SHTN1: variants seen among roughly 807,000 people sequenced by gnomAD.
SHTN1 encodes the protein shootin 1, also known as shootin-1.
SHTN1 carries 42 observed loss-of-function variants against 83.1 expected under a neutral mutation model. That is an observed-to-expected ratio of 0.51 (90% CI 0.39 to 0.65). The LOEUF (loss-of-function observed/expected upper bound fraction) is 0.65. SHTN1 is among the 30% of genes least tolerant of loss of function. SHTN1 has a pLI of 0.00. For synonymous variants in SHTN1, 224 were observed against 247.7 expected (o/e 0.90, Z 0.90); for missense variants, 622 against 737.8 (o/e 0.84, Z 1.82).
chr10:117,020,331 A>C (rs1009600434), intron 2 of SHTN1, among the ~76,000 whole-genome samples: 4 of 151,390 alleles, frequency 2.6e-5, no homozygotes, highest in Non-Finnish European at 5.9e-5. Flanking sequence ...CTCTAATAAA[A>C]ATTAAAAAAA....
At chr10:116,896,045 C>T (rs1267102856) in intron 16 of SHTN1, among the ~76,000 whole-genome samples, 1 of 152,152 alleles carries the variant, frequency 6.6e-6, no homozygotes, top group East Asian at 1.9e-4. Context: ...ATCCTGCCTA[C>T]TATGATTTCA....
chr10:117,078,319 C>T (rs1853193145), intron 1 of SHTN1, among the ~76,000 whole-genome samples: 1 of 152,196 alleles, frequency 6.6e-6, no homozygotes, highest in African/African-American at 2.4e-5. Flanking sequence ...CAGCAGTTGA[C>T]TCACCTTTCT....
intron 1 of SHTN1, among the ~76,000 whole-genome samples, chr10:116,982,809 A>C (rs1009774431): frequency 2.0e-5 from 3 of 152,104 alleles, no homozygotes; most frequent in African/African-American, 7.2e-5. Context: ...AAATACAAAA[A>C]AAATTAGCCA....
At chr10:116,943,681 T>G (rs1382179464) in intron 8 of SHTN1, among the ~76,000 whole-genome samples, 1 of 152,216 alleles carries the variant, frequency 6.6e-6, no homozygotes, top group Non-Finnish European at 1.5e-5. Flanking sequence ...AGCACAGCTA[T>G]GCTCAAGCAC....
chr10:117,100,867 G>A (rs1473574127), intron 1 of SHTN1, among the ~76,000 whole-genome samples: 1 of 152,212 alleles, frequency 6.6e-6, no homozygotes, highest in Non-Finnish European at 1.5e-5. Context: ...GTGGGACTAA[G>A]TTTGGGAAAT....
intron 2 of SHTN1, among the ~76,000 whole-genome samples, chr10:117,012,034 G>C (rs1239064828): frequency 1.3e-5 from 2 of 151,594 alleles, no homozygotes; most frequent in African/African-American, 4.9e-5. Context: ...AGCTACTCCG[G>C]AGGCTGAGGC....
chr10:117,093,927 G>T (rs550887279), intron 1 of SHTN1, among the ~76,000 whole-genome samples: 1 of 152,180 alleles, frequency 6.6e-6, no homozygotes, highest in Non-Finnish European at 1.5e-5. Context: ...AGGTTCAGAG[G>T]AAAACATGGA....
chr10:117,029,724 A>G (rs930061291), intron 2 of SHTN1, among the ~76,000 whole-genome samples: 1 of 151,960 alleles, frequency 6.6e-6, no homozygotes, highest in African/African-American at 2.4e-5. Flanking sequence ...TGGCTCCCCC[A>G]TCGCTTTCTG....
rs1851059750 is a variant in SHTN1, at chr10:116,982,440, T to C, written c.59-3132A>G. ...AGACATGCACACACATACACACACATATGTATCACAGTGGACCCCTAACCC... is the reference window on the plus strand; with the variant it reads ...AGACATGCACACACATACACACACACATGTATCACAGTGGACCCCTAACCC... On this transcript the variant is annotated intron_variant, in intron 1 of 16. Transcript: ENST00000355371. Among the ~76,000 whole-genome samples, 3 of 152,138 alleles carry C rather than the reference T, an allele frequency of 2.0e-5. No homozygotes were observed. The South Asian group carries it at 6.2e-4, about 32-fold the overall frequency.
At chr10:116,890,170 T>C (rs1847293056) in intron 16 of SHTN1, among the ~76,000 whole-genome samples, 1 of 146 alleles carries the variant, frequency 6.8e-3, no homozygotes, top group South Asian at 0.1. Context: ...GTTCAATTTT[T>C]TTTTCTACTT....
chr10:116,993,017 C>CTTTTTTTTT (rs35364697), intron 1 of SHTN1, among the ~76,000 whole-genome samples: 42 of 121,184 alleles, frequency 3.5e-4, no homozygotes, highest in East Asian at 4.7e-4. Context: ...TCTTTTTTTT[C>CTTTTTTTTT]TTTTTTTTTT....
intron 2 of SHTN1, among the ~76,000 whole-genome samples, chr10:117,040,928 A>ATATTT (rs552488544): frequency 6.6e-6 from 1 of 151,396 alleles, no homozygotes; most frequent in Non-Finnish European, 1.5e-5. Context: ...TTCTTTTATT[A>ATATTT]TATTTTATTT....
intron 1 of SHTN1, among the ~76,000 whole-genome samples, chr10:117,121,604 CAT>C (rs1423900225): frequency 6.6e-6 from 1 of 151,726 alleles, no homozygotes; most frequent in Non-Finnish European, 1.5e-5. Flanking sequence ...AAATTTTATA[CAT>C]GTTTTATATA....
intron 2 of SHTN1, 126 bp from the exon 3 acceptor site, chr10:116,968,838 A>ATGCTTTTC: frequency 4.3e-6 from 3 of 697,028 alleles, no homozygotes; most frequent in Non-Finnish European, 4.9e-6. Flanking sequence ...AAAACCTTTG[A>ATGCTTTTC]AAAGCATCAA....
chr10:116,902,522 C>T (rs1018990787), intron 15 of SHTN1, among the ~76,000 whole-genome samples: 7 of 152,112 alleles, frequency 4.6e-5, no homozygotes, highest in African/African-American at 1.7e-4. Flanking sequence ...AAGAGTTTGG[C>T]TATTTACCTT....
chr10:116,939,528 G>A (rs7909376), intron 9 of SHTN1, among the ~76,000 whole-genome samples: 8,716 of 152,238 alleles, frequency 0.057, 448 homozygotes, highest in East Asian at 0.21. Context: ...GAGATGAGCC[G>A]GGTACCCAAT....
chr10:116,931,848 G>T (rs1848980508), intron 9 of SHTN1, among the ~76,000 whole-genome samples: 1 of 152,140 alleles, frequency 6.6e-6, no homozygotes, highest in African/African-American at 2.4e-5. Context: ...AACTTTTGCT[G>T]TATTTTAAAA....
In SHTN1 at chr10:116,964,243, C is replaced by G. The variant is rs147229410; in HGVS notation, c.173-4013G>C. Among the ~76,000 whole-genome samples the G allele has an allele frequency of 3.5e-4, 54 of 152,274 alleles. 1 individual carries two copies. The East Asian group carries it at 0.01, about 29-fold the overall frequency. On this transcript the variant is annotated intron_variant, in intron 3 of 16. Coordinates refer to ENST00000355371, the MANE Select transcript of SHTN1 (RefSeq NM_001127211.3). ...TATGTGTCCAGCCTTGTGCTAAACT[C>G]TTTACATGTGTTCCCTCCTTCACAA... is the stretch of plus-strand genomic sequence containing the variant.
chr10:117,017,586 ATGAT>A (rs1852198603), intron 2 of SHTN1, among the ~76,000 whole-genome samples: 1 of 152,326 alleles, frequency 6.6e-6, no homozygotes. Context: ...ATATAAATAA[ATGAT>A]TAAGTAGAAA....
Sources: gnomAD v4.1 joint callset for allele counts (sites outside exome capture counted in the v4.1 genomes callset) on GRCh38, gnomAD v4.1.1 for gene constraint, MANE v1.5 for transcripts, NCBI Gene and HGNC (gene_info 2026-07-23, HGNC 2026-07-21) for gene names.